The following EPHA6 variants were observed in gnomAD, a reference collection of about 807,000 sequenced individuals.
The protein encoded by EPHA6 is ephrin type-A receptor 6.
In EPHA6, 50 loss-of-function variants were observed where a neutral mutation model predicts 112.0. The ratio of observed to expected loss-of-function variants is 0.45; its 90% CI spans 0.36 to 0.56. EPHA6 has a LOEUF of 0.56. Among genes scored for constraint, EPHA6 ranks in the 20% least tolerant of loss-of-function variants. EPHA6 has a pLI of 0.00. For missense variants in EPHA6, 1,280 were observed against 1,417.4 expected, an observed-to-expected ratio of 0.90 and a Z score of 1.56; for synonymous variants, 529 against 490.7, an observed-to-expected ratio of 1.08 and a Z score of -1.03.
intron 5 of EPHA6, among the ~76,000 whole-genome samples, chr3:97,280,685 A>G (rs934707630): frequency 6.6e-6 from 1 of 152,214 alleles, no homozygotes; most frequent in Non-Finnish European, 1.5e-5. Flanking sequence ...ACATTTTTAA[A>G]ACTATTTTCA....
At chr3:97,264,131 T>C (rs72924463) in intron 5 of EPHA6, among the ~76,000 whole-genome samples, 1,924 of 152,340 alleles carry the variant, frequency 0.013, 43 homozygotes, top group African/African-American at 0.043. Context: ...GGTGTCACTT[T>C]CCTTGCTGGA....
At chr3:97,497,382 TC>T (rs2092008637) in intron 10 of EPHA6, among the ~76,000 whole-genome samples, 1 of 152,150 alleles carries the variant, frequency 6.6e-6, no homozygotes, top group Non-Finnish European at 1.5e-5. Context: ...CATGGCTCTG[TC>T]CCCACTCCCT....
intron 3 of EPHA6, among the ~76,000 whole-genome samples, chr3:97,154,272 A>C (rs2076239333): frequency 6.6e-6 from 1 of 152,064 alleles, no homozygotes; most frequent in Non-Finnish European, 1.5e-5. Context: ...TTTAAACAAT[A>C]ATTAATGAAT....
intron 10 of EPHA6, among the ~76,000 whole-genome samples, chr3:97,523,739 G>A (rs2092578683): frequency 6.6e-6 from 1 of 151,822 alleles, no homozygotes; most frequent in Non-Finnish European, 1.5e-5. Flanking sequence ...TCCAATGTTA[G>A]ATGCATGTAT....
chr3:97,188,077 TA>T (rs1341745922), intron 3 of EPHA6, among the ~76,000 whole-genome samples: 2 of 152,148 alleles, frequency 1.3e-5, no homozygotes, highest in East Asian at 3.9e-4. Context: ...TAGTAATGTT[TA>T]GTAAAGCTGT....
intron 3 of EPHA6, among the ~76,000 whole-genome samples, chr3:97,021,720 G>A (rs1222220691): frequency 6.6e-6 from 1 of 152,132 alleles, no homozygotes. Context: ...AATCCTATTG[G>A]TTTCAGGCCT....
chr3:96,912,263 C>T (rs374045144), intron 2 of EPHA6, among the ~76,000 whole-genome samples: 24 of 152,204 alleles, frequency 1.6e-4, no homozygotes, highest in African/African-American at 3.4e-4. Flanking sequence ...CAGTAGCCAA[C>T]GTAGAAAGTC....
intron 3 of EPHA6, among the ~76,000 whole-genome samples, chr3:97,211,503 G>A (rs1195963882): frequency 6.6e-6 from 1 of 152,188 alleles, no homozygotes; most frequent in Non-Finnish European, 1.5e-5. Context: ...GGCACCAGAA[G>A]ATCTGGTGTC....
chr3:97,647,568 CA>C (rs1424940033), intron 14 of EPHA6, among the ~76,000 whole-genome samples: 1 of 152,100 alleles, frequency 6.6e-6, no homozygotes, highest in African/African-American at 2.4e-5. Flanking sequence ...GATGAGATTA[CA>C]AAGCACTTAT....
intron 3 of EPHA6, among the ~76,000 whole-genome samples, chr3:97,013,003 T>G (rs1576321030): frequency 6.6e-6 from 1 of 152,142 alleles, no homozygotes; most frequent in Non-Finnish European, 1.5e-5. Context: ...TTAGACCTTT[T>G]TCAGATGCAT....
At chr3:97,120,587 G>A (rs2108301717) in intron 3 of EPHA6, among the ~76,000 whole-genome samples, 1 of 151,826 alleles carries the variant, frequency 6.6e-6, no homozygotes, top group Middle Eastern at 3.4e-3. Context: ...TTAAAAAAAG[G>A]GTTTTAAAAG....
chr3:97,427,184 T>C lies in EPHA6; in HGVS notation c.1732-21384T>C, dbSNP rs142809635. ...CTACCATTTGACCCAACAATCCCATTATTGGGTATATACCCAAAGGAATAT... is the reference window on the plus strand; with the variant it reads ...CTACCATTTGACCCAACAATCCCATCATTGGGTATATACCCAAAGGAATAT... On this transcript the variant is annotated intron_variant, in intron 6 of 17. Coordinates refer to ENST00000389672, the MANE Select transcript of EPHA6 (RefSeq NM_001080448.3). 8.3e-3 allele frequency among the ~76,000 whole-genome samples: 1,265 copies of C among 152,292 alleles called. 14 individuals are homozygous for C. Among genetic ancestry groups the C allele is most frequent in the African/African-American group, 0.027 (1,124 of 41,558 alleles).
At chr3:97,407,740 A>G (rs1227897697) in intron 6 of EPHA6, among the ~76,000 whole-genome samples, 2 of 151,702 alleles carry the variant, frequency 1.3e-5, no homozygotes, top group African/African-American at 4.8e-5. Flanking sequence ...TTATTTTTTT[A>G]TTCACTTACT....
In EPHA6 at chr3:97,638,032, G is replaced by C; in HGVS notation, c.2734G>C (p.Gly912Arg). The C allele has an allele frequency of 6.2e-7, 1 of 1,613,776 alleles. No homozygotes were observed. The highest frequency in any genetic ancestry group is 8.5e-7 in the Non-Finnish European group (1 of 1,179,824). ...SNLVCKVSDFGLSRVLEDDPE... is the reference protein window; with the variant it reads ...SNLVCKVSDFRLSRVLEDDPE... ...CTTAGTATGCAAAGTTTCTGATTTT[G>C]GTCTCTCCAGAGTGCTGGAAGATGA... Residue 912 changes from glycine to arginine, a missense_variant, in exon 14 of 18, where the codon GGT becomes CGT. Coordinates refer to ENST00000389672, the MANE Select transcript of EPHA6 (RefSeq NM_001080448.3).
At chr3:97,096,244 TACAC>T (rs138232835) in intron 3 of EPHA6, among the ~76,000 whole-genome samples, 9 of 149,742 alleles carry the variant, frequency 6.0e-5, no homozygotes, top group African/African-American at 2.0e-4. Context: ...TATATATATA[TACAC>T]ACACACACAT....
At chr3:96,938,817 A>C (rs2040759391) in intron 2 of EPHA6, among the ~76,000 whole-genome samples, 1 of 152,148 alleles carries the variant, frequency 6.6e-6, no homozygotes, top group African/African-American at 2.4e-5. Flanking sequence ...TTTTAGCATG[A>C]AGGGCTGTTG....
chr3:97,232,355 G>T (rs1456440295), intron 4 of EPHA6, among the ~76,000 whole-genome samples: 1 of 152,156 alleles, frequency 6.6e-6, no homozygotes, highest in Non-Finnish European at 1.5e-5. Flanking sequence ...AATTCGTTTT[G>T]AAAGAGTGTC....
chr3:97,017,861 C>G (rs1381813385), intron 3 of EPHA6, among the ~76,000 whole-genome samples: 3 of 151,842 alleles, frequency 2.0e-5, no homozygotes, highest in Admixed American at 6.6e-5. Context: ...GTTGTTATCC[C>G]TTTGAATAAA....
In EPHA6 at chr3:97,235,151, C is replaced by CT. The variant is rs2108563487; in HGVS notation, c.1270+8738dup. On this transcript the variant is annotated intron_variant, in intron 4 of 17. Coordinates refer to ENST00000389672, the MANE Select transcript of EPHA6 (RefSeq NM_001080448.3). ...ACTCCTTTTTATGTCATTGTGCTTT[C>CT]TTTTTTATAGATTATATCATTCTTA... Among the ~76,000 whole-genome samples, 2 of 152,134 alleles carry CT rather than the reference C, an allele frequency of 1.3e-5. 1 individual carries two copies. Among genetic ancestry groups the CT allele is most frequent in the South Asian group, 4.2e-4 (2 of 4,818 alleles).
Sources: gnomAD v4.1 joint callset for allele counts (sites outside exome capture counted in the v4.1 genomes callset) on GRCh38, gnomAD v4.1.1 for gene constraint, MANE v1.5 for transcripts, NCBI Gene and HGNC (gene_info 2026-07-23, HGNC 2026-07-21) for gene names.